The following KIAA1217 variants were observed in gnomAD, a reference collection of about 807,000 sequenced individuals.
KIAA1217 encodes the protein KIAA1217, also known as sickle tail protein homolog.
A neutral mutation model predicts 163.9 loss-of-function variants in KIAA1217; 88 were observed. The observed-to-expected ratio is 0.54, with a 90% confidence interval of 0.45 to 0.64. The LOEUF (loss-of-function observed/expected upper bound fraction) is 0.64. Among genes scored for constraint, KIAA1217 ranks in the 30% least tolerant of loss-of-function variants. The probability of loss-of-function intolerance (pLI) is 0.00; values close to 1 mark genes in which losing one functional copy is unlikely to be tolerated. For missense variants in KIAA1217, 2,372 were observed against 2,475.0 expected (o/e 0.96, Z 0.88); for synonymous variants, 903 against 923.1 (o/e 0.98, Z 0.39).
intron 9 of KIAA1217, among the ~76,000 whole-genome samples, chr10:24,510,314 C>A (rs1253137042): frequency 3.3e-5 from 5 of 152,136 alleles, no homozygotes; most frequent in Non-Finnish European, 7.4e-5. Context: ...AGCATGATAT[C>A]CATTGTTAAT....
chr10:24,385,429 T>G (rs2130628276), intron 3 of KIAA1217, among the ~76,000 whole-genome samples: 1 of 152,282 alleles, frequency 6.6e-6, no homozygotes, highest in South Asian at 2.1e-4. Flanking sequence ...TGTGTAATGG[T>G]CTCCCTCGGG....
intron 2 of KIAA1217, among the ~76,000 whole-genome samples, chr10:24,323,132 G>A (rs1261274202): frequency 2.0e-5 from 3 of 151,082 alleles, no homozygotes; most frequent in Non-Finnish European, 4.4e-5. Context: ...AAAAAAAAAT[G>A]TTTTTGTAGA....
In KIAA1217 at chr10:24,374,996, T is replaced by C. The variant is rs117959222; in HGVS notation, c.355-5873T>C. Among the ~76,000 whole-genome samples, 1,048 of 152,238 alleles carry C rather than the reference T, an allele frequency of 6.9e-3. 9 individuals are homozygous for C. Among genetic ancestry groups the C allele is most frequent in the Non-Finnish European group, 0.012 (819 of 68,014 alleles). ...GACAGAGTCTCAACTAGGTTGCCCA[T>C]GCTGGTCTTGAACTCCTGGGCTCAA... On this transcript the variant is annotated intron_variant, in intron 2 of 20. Coordinates refer to ENST00000376454, the MANE Select transcript of KIAA1217 (RefSeq NM_019590.5).
At chr10:24,112,744 C>T (rs1265209391) in intron 2 of KIAA1217, among the ~76,000 whole-genome samples, 1 of 152,034 alleles carries the variant, frequency 6.6e-6, no homozygotes, top group African/African-American at 2.4e-5. Flanking sequence ...GCCCCCATGC[C>T]CGGCCAATTT....
At chr10:23,743,397 G>C (rs750273942) in intron 1 of KIAA1217, among the ~76,000 whole-genome samples, 19 of 152,032 alleles carry the variant, frequency 1.2e-4, no homozygotes, top group Non-Finnish European at 2.5e-4. Flanking sequence ...CAACCTGAGG[G>C]ACAAAAAAAT....
chr10:24,085,478 G>A (rs1031961576), intron 2 of KIAA1217, among the ~76,000 whole-genome samples: 12 of 152,112 alleles, frequency 7.9e-5, no homozygotes, highest in Admixed American at 3.3e-4. Flanking sequence ...CAAGTCAAAA[G>A]TCTTATTGGA....
chr10:24,380,675 A>G (rs1359479429), intron 2 of KIAA1217, among the ~76,000 whole-genome samples, 194 bp from the exon 3 acceptor site: 1 of 152,064 alleles, frequency 6.6e-6, no homozygotes, highest in African/African-American at 2.4e-5. Context: ...CTTAAGGGCA[A>G]TGTTATTTTC....
Position 24,020,340 on chromosome 10 carries a change from A to G in KIAA1217, c.-171+12966A>G, listed in dbSNP as rs188188646. Among the ~76,000 whole-genome samples the G allele has an allele frequency of 1.2e-3, 177 of 152,218 alleles. 1 individual carries two copies. The highest frequency in any genetic ancestry group is 0.01 in the Middle Eastern group (3 of 294). ...TGATTTGATTTGGAATGAAAGGTAA[A>G]AACCACACTAAGTAGCATTGTCAGT... is the stretch of plus-strand genomic sequence containing the variant. On this transcript the variant is annotated intron_variant, in intron 2 of 18. Coordinates refer to the KIAA1217 transcript ENST00000376462.
At chr10:24,163,578 T>C (rs1249056708) in intron 2 of KIAA1217, among the ~76,000 whole-genome samples, 1 of 152,236 alleles carries the variant, frequency 6.6e-6, no homozygotes, top group East Asian at 1.9e-4. Context: ...TTCTTTTCCG[T>C]TCATTATTCA....
upstream of KIAA1217, chr10:24,208,811 C>T (rs952847665): frequency 3.3e-5 from 6 of 181,102 alleles, 1 homozygote; most frequent in South Asian, 8.2e-4. Context: ...TGGTTTGCAG[C>T]AGTGGAACCA....
chr10:24,290,854 G>A (rs760222282), intron 2 of KIAA1217, among the ~76,000 whole-genome samples: 38 of 151,884 alleles, frequency 2.5e-4, no homozygotes, highest in Admixed American at 6.6e-4. Flanking sequence ...CACCTGCCTC[G>A]GCCTCCCAAA....
intron 1 of KIAA1217, among the ~76,000 whole-genome samples, chr10:23,823,691 C>A (rs7097333): frequency 0.084 from 12,830 of 152,062 alleles, 1,720 homozygotes; most frequent in African/African-American, 0.29. Flanking sequence ...CATTAAACCC[C>A]CCTACTTTTA....
intron 2 of KIAA1217, among the ~76,000 whole-genome samples, chr10:24,310,762 C>T (rs188348582): frequency 1.8e-4 from 28 of 152,178 alleles, no homozygotes; most frequent in Admixed American, 8.5e-4. Flanking sequence ...TTTAGGTGGC[C>T]GAGGCACGTG....
At chr10:24,308,069 A>C (rs1181934241) in intron 2 of KIAA1217, among the ~76,000 whole-genome samples, 1 of 152,220 alleles carries the variant, frequency 6.6e-6, no homozygotes, top group Non-Finnish European at 1.5e-5. Context: ...GAGTGCAATA[A>C]ACCAATTTAA....
At chr10:23,800,816 C>A (rs867914985) in intron 1 of KIAA1217, among the ~76,000 whole-genome samples, 46 of 152,288 alleles carry the variant, frequency 3.0e-4, no homozygotes, top group African/African-American at 1.1e-3. Flanking sequence ...ACTAAAACGT[C>A]AGGAAACAAC....
intron 6 of KIAA1217, among the ~76,000 whole-genome samples, chr10:24,493,097 G>A (rs2066354431): frequency 6.6e-6 from 1 of 152,098 alleles, no homozygotes; most frequent in African/African-American, 2.4e-5. Flanking sequence ...CCGCCCACCT[G>A]GGCCTCCCAA....
intron 2 of KIAA1217, among the ~76,000 whole-genome samples, chr10:24,176,178 C>T (rs973221000): frequency 6.6e-6 from 1 of 152,194 alleles, no homozygotes; most frequent in Non-Finnish European, 1.5e-5. Flanking sequence ...GAGCTAGACA[C>T]AGAGTGCTGA....
At chr10:23,697,458 C>T (rs539839366) in intron 1 of KIAA1217, among the ~76,000 whole-genome samples, 124 of 152,194 alleles carry the variant, frequency 8.1e-4, no homozygotes, top group African/African-American at 2.7e-3. Context: ...TATTGCAGTA[C>T]GGTAGAAGGT....
chr10:24,149,187 T>C (rs1253805667), intron 2 of KIAA1217, among the ~76,000 whole-genome samples: 1 of 152,342 alleles, frequency 6.6e-6, no homozygotes, highest in East Asian at 1.9e-4. Context: ...TTTATGTTTT[T>C]TGTTTTTTTA....
Sources: allele counts gnomAD v4.1 joint callset (sites outside exome capture counted in the v4.1 genomes callset), GRCh38; gene constraint gnomAD v4.1.1; transcripts MANE v1.5; gene names NCBI Gene and HGNC (gene_info 2026-07-23, HGNC 2026-07-21).